C8G: variants seen among roughly 807,000 people sequenced by gnomAD.
C8G encodes the protein complement component C8 gamma chain.
A neutral mutation model predicts 29.1 loss-of-function variants in C8G; 38 were observed. The observed-to-expected ratio is 1.31, with a 90% confidence interval of 1.01 to 1.71. C8G has a LOEUF of 1.71. Among genes scored for constraint, C8G ranks in the 40% most tolerant of loss-of-function variants. The pLI, the probability that C8G is intolerant of heterozygous loss-of-function variation, is 0.00. For missense variants in C8G, 300 were observed against 267.4 expected (o/e 1.12, Z -0.85); for synonymous variants, 158 against 113.2 (o/e 1.40, Z -2.51).
At chr9:136,946,312 CCTG>C in intron 4 of C8G, 120 bp downstream of exon 4, 1 of 1,381,724 alleles carries the variant, frequency 7.2e-7, no homozygotes, top group African/African-American at 1.5e-5. Flanking sequence ...TCCTGATCCT[CCTG>C]CTAAGCAGGG....
chr9:136,946,823 G>A lies in C8G; in HGVS notation c.*42G>A. 1 of 1,544,420 alleles carries A rather than the reference G, an allele frequency of 6.5e-7. No homozygotes were observed. The highest frequency in any genetic ancestry group is 8.7e-7 in the Non-Finnish European group (1 of 1,150,180). ...CAGTGCTGAGAAGTCAGTGCCCCGA[G>A]AGACGACCCCACCAGTGGGGTGCCC... On this transcript the variant is annotated 3_prime_UTR_variant, in exon 7 of 7. Coordinates refer to ENST00000371634, the MANE Select transcript of C8G (RefSeq NM_000606.3).
In C8G at chr9:136,945,292, C is replaced by T. The variant is rs1199404394; in HGVS notation, c.-29C>T. 6 of 1,574,292 alleles carry T rather than the reference C, an allele frequency of 3.8e-6. No individual in the cohort carries two copies. The highest frequency in any genetic ancestry group is 5.2e-6 in the Non-Finnish European group (6 of 1,156,656). On this transcript the variant is annotated 5_prime_UTR_variant, in exon 1 of 7. Transcript: ENST00000371634. ...CTTGGTGGTGCTACCCTTGGCCTCC[C>T]ACAGTCCTGCCACCCTGCTGCCGCC... is the stretch of plus-strand genomic sequence containing the variant.
At position 136,945,768 on chromosome 9, in the gene C8G, G is replaced by T; in HGVS notation, c.273G>T (p.Lys91Asn). ...GTAMAVSTFRKLDGICWQVRQ... is the reference protein window; with the variant it reads ...GTAMAVSTFRNLDGICWQVRQ... ...CCATGGCTGTCAGTACCTTCCGAAAGCTGTGAGTCCCAGAGCAGCCCTGCA... is the reference window on the plus strand; with the variant it reads ...CCATGGCTGTCAGTACCTTCCGAAATCTGTGAGTCCCAGAGCAGCCCTGCA... Residue 91 changes from lysine (K) to asparagine (N), a missense_variant and splice_region_variant, in exon 2 of 7, where the codon AAG (lysine) becomes AAT (asparagine). By Grantham distance (94) the Lys-to-Asn change is moderately conservative. Transcript: ENST00000371634. 1 of 1,552,842 alleles carries T rather than the reference G, an allele frequency of 6.4e-7. No individual in the cohort carries two copies. The highest frequency in any genetic ancestry group is 8.7e-7 in the Non-Finnish European group (1 of 1,150,228).
At position 136,945,343 on chromosome 9, in the gene C8G, C is replaced by A; in HGVS notation, c.23C>A (p.Thr8Asn). The A allele has an allele frequency of 4.3e-6, 7 of 1,612,246 alleles. No homozygotes were observed. Among genetic ancestry groups the A allele is most frequent in the Non-Finnish European group, 5.9e-6 (7 of 1,179,416 alleles). MLPPGTATLLTLLLAAGS... is the reference protein window; with the variant it reads MLPPGTANLLTLLLAAGS... ...ACCATGCTGCCCCCTGGGACTGCGACCCTCTTGACTCTGCTCCTGGCAGCT... is the reference window on the plus strand; with the variant it reads ...ACCATGCTGCCCCCTGGGACTGCGAACCTCTTGACTCTGCTCCTGGCAGCT... The change falls in exon 1 of 7, where the codon ACC becomes AAC. Residue 8 changes from threonine to asparagine, a missense_variant. Transcript: ENST00000371634.
Position 136,945,775 on chromosome 9 carries a change from G to A in C8G, c.275+5G>A. ...TGTCAGTACCTTCCGAAAGCTGTGA[G>A]TCCCAGAGCAGCCCTGCACCCTAAC... On this transcript the variant is annotated splice_donor_5th_base_variant and intron_variant, in intron 2 of 6. Coordinates refer to ENST00000371634, the MANE Select transcript of C8G (RefSeq NM_000606.3). The A allele has an allele frequency of 1.9e-6, 3 of 1,550,070 alleles. No homozygotes were observed. Among genetic ancestry groups the A allele is most frequent in the Non-Finnish European group, 2.6e-6 (3 of 1,148,558 alleles).
chr9:136,946,029 G>A, intron 3 of C8G, 30 bp downstream of exon 3: 3 of 1,595,716 alleles, frequency 1.9e-6, no homozygotes, highest in African/African-American at 1.3e-5. Context: ...GCATGTGGGT[G>A]GGGGATGACG....
chr9:136,945,513 G>A (rs1340068733), intron 1 of C8G, 55 bp downstream of exon 1: 5 of 1,543,540 alleles, frequency 3.2e-6, no homozygotes, highest in Admixed American at 1.9e-5. Context: ...AGGGGTAGAG[G>A]GAGACAGGTA....
rs1204676103 is a variant in C8G at position 136,945,987 on chromosome 9, T to A, written c.334T>A (p.Phe112Ile). The change falls in exon 3 of 7, where the codon TTC (phenylalanine) becomes ATC (isoleucine). Residue 112 changes from phenylalanine to isoleucine, a missense_variant. Transcript: ENST00000371634. Reference protein sequence around the residue: ...LYGDTGVLGRFLLQARDARGA... With the variant: ...LYGDTGVLGRILLQARDARGA... ...TGGAGACACAGGGGTCCTCGGCCGC[T>A]TCCTGCTTCAAGGTGAGGCAGGGGC... is the stretch of plus-strand genomic sequence containing the variant. 1 of 1,582,836 alleles carries A rather than the reference T, an allele frequency of 6.3e-7. No homozygotes were observed. Among genetic ancestry groups the A allele is most frequent in the Non-Finnish European group, 8.6e-7 (1 of 1,164,598 alleles).
Position 136,945,984 on chromosome 9 carries a change from C to G in C8G, c.331C>G (p.Arg111Gly), listed in dbSNP as rs748924095. ...CTATGGAGACACAGGGGTCCTCGGC[C>G]GCTTCCTGCTTCAAGGTGAGGCAGG... ...QLYGDTGVLG[R>G]FLLQARDARG... The change falls in exon 3 of 7, where the codon CGC becomes GGC. Residue 111 changes from arginine (R) to glycine (G), a missense_variant. Coordinates refer to ENST00000371634, the MANE Select transcript of C8G (RefSeq NM_000606.3). 6.3e-7 allele frequency: 1 copy of G among 1,580,262 alleles called. No homozygotes were observed.
In C8G at chr9:136,946,038, C is replaced by G. The variant is rs192847240; in HGVS notation, c.346+39C>G. ...TGCAGGGCATGTGGGTGGGGGATGA[C>G]GCAGCCACTGTGGCTCTCTGACATG... is the stretch of plus-strand genomic sequence containing the variant. On this transcript the variant is annotated intron_variant, in intron 3 of 6. Transcript: ENST00000371634. 6.2e-4 allele frequency: 984 copies of G among 1,598,296 alleles called. 6 individuals are homozygous for G. The African/African-American group carries it at 9.6e-3, about 16-fold the overall frequency.
Position 136,946,835 on chromosome 9 carries a change from CCA to C in C8G, c.*55_*56del. 2 of 1,537,598 alleles carry C rather than the reference CCA, an allele frequency of 1.3e-6. No individual in the cohort carries two copies. Among genetic ancestry groups the C allele is most frequent in the Non-Finnish European group, 1.7e-6 (2 of 1,146,274 alleles). On this transcript the variant is annotated 3_prime_UTR_variant, in exon 7 of 7. Coordinates refer to ENST00000371634, the MANE Select transcript of C8G (RefSeq NM_000606.3). The stretch of plus-strand genomic sequence containing the variant: ...GTCAGTGCCCCGAGAGACGACCCCA[CCA>C]GTGGGGTGCCCGCTGCCTGTCCTCC...
At position 136,945,334 on chromosome 9, in the gene C8G, G is replaced by T; in HGVS notation, c.14G>T (p.Gly5Val). The change falls in exon 1 of 7, where the codon GGG (glycine) becomes GTG (valine). Residue 5 changes from glycine to valine, a missense_variant. Transcript: ENST00000371634. The part of the protein sequence containing the change: MLPP[G>V]TATLLTLLLA... ...GCTGCCGCCACCATGCTGCCCCCTGGGACTGCGACCCTCTTGACTCTGCTC... is the reference window on the plus strand; with the variant it reads ...GCTGCCGCCACCATGCTGCCCCCTGTGACTGCGACCCTCTTGACTCTGCTC... 6.2e-7 allele frequency: 1 copy of T among 1,610,340 alleles called. No individual in the cohort carries two copies. Among genetic ancestry groups the T allele is most frequent in the Non-Finnish European group, 8.5e-7 (1 of 1,178,286 alleles).
chr9:136,946,559 C>T lies in C8G; in HGVS notation c.549C>T (p.Pro183=). 3 of 1,612,914 alleles carry T rather than the reference C, an allele frequency of 1.9e-6. No individual in the cohort carries two copies. Among genetic ancestry groups the T allele is most frequent in the South Asian group, 2.2e-5 (2 of 91,006 alleles). The change falls in exon 5 of 7, where the codon CCC becomes CCT. Residue 183 remains proline (P), a synonymous_variant. Transcript: ENST00000371634. Reference sequence around the variant, plus strand: ...CTGAGGACCAGATCTTCTACTTCCCCAAGTACGGTGAGTGTCCCCAGCAGG... The same window carrying T: ...CTGAGGACCAGATCTTCTACTTCCCTAAGTACGGTGAGTGTCCCCAGCAGG... ...HLTEDQIFYF[P]KYGFCEAADQ...
chr9:136,945,556 A>T, intron 1 of C8G, 78 bp from the exon 2 acceptor site: 3 of 1,549,844 alleles, frequency 1.9e-6, no homozygotes, highest in Non-Finnish European at 1.8e-6. Context: ...AAGCAGGTGA[A>T]GTTGTGGGGG....
Position 136,946,641 on chromosome 9 carries a change from G to A in C8G, c.557-10G>A. 1 of 1,613,192 alleles carries A rather than the reference G, an allele frequency of 6.2e-7. No homozygotes were observed. Among genetic ancestry groups the A allele is most frequent in the Non-Finnish European group, 8.5e-7 (1 of 1,179,952 alleles). ...TGATGTCCAGCCTGACCCCTGCCTT[G>A]GGCCCCCAGGCTTCTGCGAGGCTGC... On this transcript the variant is annotated splice_polypyrimidine_tract_variant and intron_variant, in intron 5 of 6. Coordinates refer to ENST00000371634, the MANE Select transcript of C8G (RefSeq NM_000606.3).
intron 1 of C8G, 39 bp from the exon 2 acceptor site, chr9:136,945,595 C>A: frequency 6.3e-7 from 1 of 1,597,374 alleles, no homozygotes; most frequent in Non-Finnish European, 8.5e-7. Flanking sequence ...GAGGGGCCCT[C>A]CCACAGTGCC....
chr9:136,946,469 C>G lies in C8G; in HGVS notation c.459C>G (p.Arg153=). 1 of 1,602,832 alleles carries G rather than the reference C, an allele frequency of 6.2e-7. No homozygotes were observed. Among genetic ancestry groups the G allele is most frequent in the Non-Finnish European group, 8.5e-7 (1 of 1,174,248 alleles). The change falls in exon 5 of 7, where the codon CGC becomes CGG. Residue 153 remains arginine (R), a synonymous_variant. Coordinates refer to ENST00000371634, the MANE Select transcript of C8G (RefSeq NM_000606.3). The stretch of plus-strand genomic sequence containing the variant: ...GGAACCCTGTCTGCCCTGCAGCCCG[C>G]TCGCTCCCTGTGAGCGACTCGGTCC... ...AGQLSVKLYA[R]SLPVSDSVLS... is the part of the protein sequence containing the mutation.
In C8G at chr9:136,945,619, A is replaced by C. The variant is rs767208214; in HGVS notation, c.139-15A>C. 3 of 1,607,636 alleles carry C rather than the reference A, an allele frequency of 1.9e-6. No individual in the cohort carries two copies. The Admixed American group carries it at 5.0e-5, about 27-fold the overall frequency. ...TCCCACAGTGCCCTCGAGTTCTCCC[A>C]TGGTCTGCCCCCAGTTTGCAGGGAC... On this transcript the variant is annotated splice_polypyrimidine_tract_variant and intron_variant, in intron 1 of 6. Transcript: ENST00000371634.
chr9:136,946,044 CACTGTGGCTCTCTGACATGGCT>C lies in C8G; in HGVS notation c.347-29_347-8del, dbSNP rs762634546. On this transcript the variant is annotated intron_variant, in intron 3 of 6. Transcript: ENST00000371634. ...GCATGTGGGTGGGGGATGACGCAGC[CACTGTGGCTCTCTGACATGGCT>C]ACTGTGGCTCTGCCCCAGCCCGAGA... 9.4e-6 allele frequency: 15 copies of C among 1,602,014 alleles called. No homozygotes were observed. The highest frequency in any genetic ancestry group is 2.2e-5 in the East Asian group (1 of 44,538).
Sources: allele counts gnomAD v4.1 joint callset, GRCh38; gene constraint gnomAD v4.1.1; transcripts MANE v1.5; gene names NCBI Gene and HGNC (gene_info 2026-07-23, HGNC 2026-07-21).